The following ZNF611 variants were observed in gnomAD, a reference collection of about 807,000 sequenced individuals.
The protein encoded by ZNF611 is zinc finger protein 611.
Under a neutral mutation model 8.9 loss-of-function variants are expected in ZNF611, and 6 were observed. The ratio of observed to expected loss-of-function variants is 0.68; its 90% confidence interval spans 0.37 to 1.34. The LOEUF is 1.34. ZNF611 is among the 40% of genes most tolerant of loss of function. ZNF611 has a pLI of 0.02. For missense variants in ZNF611, 874 were observed against 841.3 expected (o/e 1.04, Z -0.48); for synonymous variants, 262 against 279.7 (o/e 0.94, Z 0.63).
chr19:52,705,466 A>G lies in ZNF611; in HGVS notation c.1589T>C (p.Ile530Thr), dbSNP rs761031578. ...SRKSSLETHKIGHTGEKPYKC... is the reference protein window; with the variant it reads ...SRKSSLETHKTGHTGEKPYKC... Reference sequence around the variant, plus strand: ...GTATGGTTTCTCTCCAGTATGACCTATCTTATGTGTCTCAAGGCTTGATTT... The same window carrying G: ...GTATGGTTTCTCTCCAGTATGACCTGTCTTATGTGTCTCAAGGCTTGATTT... Residue 530 changes from isoleucine (I) to threonine (T), a missense_variant, in exon 6 of 6, where the codon ATA (isoleucine) becomes ACA (threonine). By Grantham distance (89) the Ile-to-Thr change is moderately conservative. Coordinates refer to ENST00000652185, the MANE Select transcript of ZNF611 (RefSeq NM_001161499.2). The G allele has an allele frequency of 5.0e-6, 8 of 1,610,648 alleles. No individual in the cohort carries two copies.
rs756605694 is a variant in ZNF611 at position 52,705,977 on chromosome 19, G to A, written c.1078C>T (p.His360Tyr). Reference sequence around the variant, plus strand: ...TTCTCTCCAGTATGAATTCTATGATGTGAAAGTTGTGATTGTTGATTAAAA... The same window carrying A: ...TTCTCTCCAGTATGAATTCTATGATATGAAAGTTGTGATTGTTGATTAAAA... The part of the protein sequence containing the change: ...KAFNQQSQLS[H>Y]HRIHTGEKPY... Residue 360 changes from histidine to tyrosine, a missense_variant, in exon 6 of 6, where the codon CAT (histidine) becomes TAT (tyrosine). His to Tyr is a moderately conservative substitution (Grantham distance 83). Transcript: ENST00000652185. 1 of 1,613,988 alleles carries A rather than the reference G, an allele frequency of 6.2e-7. No homozygotes were observed. Among genetic ancestry groups the A allele is most frequent in the South Asian group, 1.1e-5 (1 of 91,066 alleles).
chr19:52,704,755 CCA>C lies in ZNF611; in HGVS notation c.*180_*181del. On this transcript the variant is annotated 3_prime_UTR_variant, in exon 6 of 6. Coordinates refer to ENST00000652185, the MANE Select transcript of ZNF611 (RefSeq NM_001161499.2). The stretch of plus-strand genomic sequence containing the variant: ...TGTTGACTGCTTGCCAAAGGCTTTG[CCA>C]CACTCATTACACTTGTAAGGTTTCT... 4.4e-6 allele frequency: 7 copies of C among 1,596,100 alleles called. No individual in the cohort carries two copies. Among genetic ancestry groups the C allele is most frequent in the East Asian group, 4.5e-5 (2 of 44,794 alleles).
At chr19:52,730,316 C>T (rs113284271) in intron 1 of ZNF611, among the ~76,000 whole-genome samples, 41,071 of 139,242 alleles carry the variant, frequency 0.29, 5,824 homozygotes, top group Middle Eastern at 0.37. Context: ...GGCATGAACC[C>T]GGGAGGTGGA....
intron 1 of ZNF611, among the ~76,000 whole-genome samples, chr19:52,731,901 G>A (rs1346349600): frequency 6.6e-6 from 1 of 151,058 alleles, no homozygotes; most frequent in African/African-American, 2.4e-5. Context: ...ATGCTAGGAA[G>A]CCAAGGTTGT....
At chr19:52,729,262 C>G (rs2062410060) in intron 2 of ZNF611, among the ~76,000 whole-genome samples, 1 of 151,896 alleles carries the variant, frequency 6.6e-6, no homozygotes, top group African/African-American at 2.4e-5. Context: ...ACAACAAGCT[C>G]ATGTAAGGGT....
intron 3 of ZNF611, among the ~76,000 whole-genome samples, chr19:52,722,628 T>C (rs2062367168): frequency 1.3e-5 from 2 of 152,304 alleles, no homozygotes; most frequent in Admixed American, 6.5e-5. Context: ...CTCAAACTCA[T>C]CTGTATAATT....
chr19:52,705,314 G>C lies in ZNF611; in HGVS notation c.1741C>G (p.Leu581Val). The C allele has an allele frequency of 6.2e-7, 1 of 1,614,092 alleles. No homozygotes were observed. Among genetic ancestry groups the C allele is most frequent in the Non-Finnish European group, 8.5e-7 (1 of 1,180,018 alleles). Residue 581 changes from leucine (L) to valine (V), a missense_variant, in exon 6 of 6, where the codon CTT (leucine) becomes GTT (valine). Coordinates refer to ENST00000652185, the MANE Select transcript of ZNF611 (RefSeq NM_001161499.2). ...CTATGAACTCTATGATGGCATACAA[G>C]GTATGACCTGTGACTGAAGGTCTTG... The part of the protein sequence containing the change: ...CSKTFSHRSY[L>V]VCHHRVHSGE...
intron 4 of ZNF611, among the ~76,000 whole-genome samples, chr19:52,715,587 T>TCC (rs1330546876): frequency 1.3e-5 from 2 of 152,176 alleles, no homozygotes; most frequent in Non-Finnish European, 2.9e-5. Flanking sequence ...ACCCCATGTT[T>TCC]ATCCATGTCA....
At chr19:52,730,985 G>C (rs2062422479) in intron 1 of ZNF611, among the ~76,000 whole-genome samples, 1 of 151,892 alleles carries the variant, frequency 6.6e-6, no homozygotes. Context: ...ACTCAGGCTG[G>C]AGTGTAGTGG....
intron 4 of ZNF611, among the ~76,000 whole-genome samples, chr19:52,715,071 T>C (rs1479475773): frequency 2.6e-5 from 4 of 152,152 alleles, no homozygotes; most frequent in African/African-American, 9.7e-5. Context: ...CCAGATATTA[T>C]GTTCAACATA....
chr19:52,706,880 A>G lies in ZNF611; in HGVS notation c.191-16T>C, dbSNP rs1452691791. ...GAAGAGATATCTACAAAATATAAAC[A>G]CCAATACATTTCCAATTAAGTACAG... On this transcript the variant is annotated splice_polypyrimidine_tract_variant and intron_variant, in intron 5 of 5. Coordinates refer to ENST00000652185, the MANE Select transcript of ZNF611 (RefSeq NM_001161499.2). 1 of 1,600,828 alleles carries G rather than the reference A, an allele frequency of 6.2e-7. No individual in the cohort carries two copies. The highest frequency in any genetic ancestry group is 1.8e-5 in the Admixed American group (1 of 56,998).
intron 3 of ZNF611, among the ~76,000 whole-genome samples, chr19:52,725,201 T>A (rs994535197): frequency 1.3e-5 from 2 of 152,136 alleles, no homozygotes; most frequent in African/African-American, 4.8e-5. Flanking sequence ...TCCCCAACGC[T>A]GGCTCAGGGG....
chr19:52,704,428 TCA>T lies in ZNF611; in HGVS notation c.*507_*508del. 1 of 707,056 alleles carries T rather than the reference TCA, an allele frequency of 1.4e-6. No individual in the cohort carries two copies. Among genetic ancestry groups the T allele is most frequent in the Non-Finnish European group, 2.6e-6 (1 of 380,050 alleles). The allele number at this position is 707,056 out of a possible 1,614,324, so 43.8% of individuals were successfully genotyped here. A position where few individuals can be genotyped will look rare whatever the true frequency, so the allele number is the denominator to read the frequency against. On this transcript the variant is annotated 3_prime_UTR_variant, in exon 6 of 6. Transcript: ENST00000652185. ...TGAAGCAAAGGCTTTGCCACAATCA[TCA>T]CACTTGTGAGGTTTCTCTCCTGTAT...
intron 5 of ZNF611, among the ~76,000 whole-genome samples, chr19:52,711,748 C>G (rs2147423463): frequency 6.6e-6 from 1 of 152,212 alleles, no homozygotes; most frequent in East Asian, 1.9e-4. Context: ...TGAACAAGGT[C>G]TTCACTTACT....
chr19:52,715,318 G>T (rs2062309149), intron 4 of ZNF611, among the ~76,000 whole-genome samples: 1 of 151,940 alleles, frequency 6.6e-6, no homozygotes, highest in African/African-American at 2.4e-5. Context: ...AGCTGGGCGT[G>T]GTGGTAGGTG....
chr19:52,734,136 CT>C (rs2062442142), intron 1 of ZNF611, among the ~76,000 whole-genome samples: 2 of 150,438 alleles, frequency 1.3e-5, no homozygotes, highest in Non-Finnish European at 3.0e-5. Context: ...GTACATCTAT[CT>C]AGCCTTTCTC....
In ZNF611 at chr19:52,706,676, C is replaced by T. The variant is rs1354534944; in HGVS notation, c.379G>A (p.Ala127Thr). The T allele has an allele frequency of 6.2e-7, 1 of 1,614,056 alleles. No homozygotes were observed. The highest frequency in any genetic ancestry group is 1.7e-5 in the Admixed American group (1 of 59,996). The change falls in exon 6 of 6, where the codon GCA becomes ACA. Residue 127 changes from alanine to threonine, a missense_variant. Physicochemically the swap from Ala to Thr is moderately conservative, Grantham distance 58 (BLOSUM62 0). Transcript: ENST00000652185. ...CQEDERNGLE[A>T]PMTKIKKLTG... ...AACTTTTTTATTTTTGTCATGGGTG[C>T]TTCAAGGCCATTTCTTTCATCTTCT...
Position 52,704,105 on chromosome 19 carries a change from A to G in ZNF611, c.*832T>C. The G allele has an allele frequency of 3.5e-6, 1 of 285,586 alleles. No homozygotes were observed. The highest frequency in any genetic ancestry group is 7.0e-6 in the Non-Finnish European group (1 of 143,838). 17.7% of individuals were successfully genotyped at this position (285,586 alleles called of 1,614,324 possible). On this transcript the variant is annotated 3_prime_UTR_variant, in exon 6 of 6. Coordinates refer to ENST00000652185, the MANE Select transcript of ZNF611 (RefSeq NM_001161499.2). ...TGCCTTGGCCTCCCGACGTGCTGGG[A>G]TTACAGGTCGGAGCCACCACACCTG...
At chr19:52,713,480 A>C (rs1423999916) in intron 5 of ZNF611, among the ~76,000 whole-genome samples, 1 of 152,200 alleles carries the variant, frequency 6.6e-6, no homozygotes, top group Non-Finnish European at 1.5e-5. Context: ...AGCCCGAATG[A>C]TGTCCTCGCT....
Sources: allele counts gnomAD v4.1 joint callset (sites outside exome capture counted in the v4.1 genomes callset), GRCh38; gene constraint gnomAD v4.1.1; transcripts MANE v1.5; gene names NCBI Gene and HGNC (gene_info 2026-07-23, HGNC 2026-07-21).